The following MICAL2 variants were observed in gnomAD, a reference collection of about 807,000 sequenced individuals.
MICAL2 encodes the protein [F-actin]-monooxygenase MICAL2.
A neutral mutation model predicts 127.3 loss-of-function variants in MICAL2; 77 were observed. That is an observed-to-expected ratio of 0.60 (90% confidence interval 0.50 to 0.73). The LOEUF (loss-of-function observed/expected upper bound fraction) is 0.73, where lower values mean the gene tolerates loss of function less well. Among genes scored for constraint, MICAL2 ranks in the 30% least tolerant of loss-of-function variants. The pLI is 0.00. For missense variants in MICAL2, 1,351 were observed against 1,434.4 expected (o/e 0.94, Z 0.94); for synonymous variants, 570 against 551.1 (o/e 1.03, Z -0.48).
chr11:12,341,656 A>G (rs1565310510), intron 32 of MICAL2, among the ~76,000 whole-genome samples: 1 of 152,162 alleles, frequency 6.6e-6, no homozygotes. Flanking sequence ...GTGAAACCCC[A>G]TCTCTACGAA....
chr11:12,226,249 G>A lies in MICAL2; in HGVS notation c.1767G>A (p.Gly589=). 1 of 1,614,240 alleles carries A rather than the reference G, an allele frequency of 6.2e-7. No homozygotes were observed. The highest frequency in any genetic ancestry group is 8.5e-7 in the Non-Finnish European group (1 of 1,180,050). ...LAFDVAEREF[G]IPPVTTGKEM... ...TTGATGTGGCCGAGCGAGAGTTTGG[G>A]ATCCCTCCAGTGACCACGGGCAAAG... is the stretch of plus-strand genomic sequence containing the variant. The change falls in exon 14 of 28, where the codon GGG becomes GGA. Residue 589 remains glycine (G), a synonymous_variant. Transcript: ENST00000683283.
In MICAL2 at chr11:12,279,595, G is replaced by T. The variant is rs117156953; in HGVS notation, c.88-1338G>T. On this transcript the variant is annotated intron_variant, in intron 1 of 2. Coordinates refer to the MICAL2 transcript ENST00000529028. ...TTCGGTAACAAAGGCAAATGCATCG[G>T]CTCGTCTGACTGGGAAGTCCAAGGG... Among the ~76,000 whole-genome samples the T allele has an allele frequency of 7.1e-3, 1,082 of 152,302 alleles. 5 individuals carry two copies. Among genetic ancestry groups the T allele is most frequent in the Non-Finnish European group, 0.011 (761 of 68,028 alleles).
At chr11:12,155,808 C>T (rs1006928137) in intron 2 of MICAL2, among the ~76,000 whole-genome samples, 8 of 152,214 alleles carry the variant, frequency 5.3e-5, no homozygotes, top group East Asian at 1.9e-4. Flanking sequence ...GCCCTGATGA[C>T]GTTGGCTTCC....
At chr11:12,113,723 A>G (rs1226580396) in intron 1 of MICAL2, among the ~76,000 whole-genome samples, 1 of 152,220 alleles carries the variant, frequency 6.6e-6, no homozygotes, top group African/African-American at 2.4e-5. Context: ...CCTCATTTGT[A>G]AAGAAAACTT....
At chr11:12,358,493 C>T (rs200383501), downstream of MICAL2, 51 of 1,611,118 alleles carry the variant, frequency 3.2e-5, no homozygotes, top group African/African-American at 6.7e-5. Flanking sequence ...GGCCCGTAGT[C>T]CCTCTCCCTG....
intron 21 of MICAL2, among the ~76,000 whole-genome samples, chr11:12,247,899 T>G (rs1385105192): frequency 2.0e-5 from 3 of 152,222 alleles, no homozygotes; most frequent in Non-Finnish European, 4.4e-5. Context: ...TGGACCCAAG[T>G]TCACCTGAAT....
At chr11:12,287,163 G>T (rs933096717) in exon 3 of MICAL2, 3 of 398,888 alleles carry the variant, frequency 7.5e-6, no homozygotes, top group Non-Finnish European at 1.3e-5. Context: ...AATTCTGGTG[G>T]AGTGAGTCAC....
intron 3 of MICAL2, among the ~76,000 whole-genome samples, chr11:12,200,526 T>G (rs904939369): frequency 6.6e-6 from 1 of 152,192 alleles, no homozygotes; most frequent in Non-Finnish European, 1.5e-5. Context: ...TCACAGCAAG[T>G]GCGTTCAGAG....
chr11:12,316,407 TG>T (rs1364974864), intron 29 of MICAL2, among the ~76,000 whole-genome samples: 1 of 150,620 alleles, frequency 6.6e-6, no homozygotes, highest in Non-Finnish European at 1.5e-5. Context: ...TATTCCTAGG[TG>T]GTTTTTTTTT....
intron 8 of MICAL2, among the ~76,000 whole-genome samples, chr11:12,217,249 C>T (rs1203466210): frequency 6.6e-6 from 1 of 152,192 alleles, no homozygotes; most frequent in Non-Finnish European, 1.5e-5. Context: ...GCACGGTGGC[C>T]ATTCATTGCT....
intron 31 of MICAL2, among the ~76,000 whole-genome samples, chr11:12,324,790 G>A (rs765305271): frequency 2.0e-5 from 3 of 152,110 alleles, no homozygotes; most frequent in South Asian, 2.1e-4. Context: ...ACAGAGTGAC[G>A]TCATTCAATC....
At chr11:12,333,319 A>G (rs1200762416) in intron 32 of MICAL2, among the ~76,000 whole-genome samples, 2 of 151,866 alleles carry the variant, frequency 1.3e-5, no homozygotes, top group East Asian at 3.9e-4. Context: ...AAGGAAAATC[A>G]TTTGACACAA....
At chr11:12,255,618 C>T (rs757409574) in intron 22 of MICAL2, 25 bp from the exon 23 acceptor site, 10 of 1,608,460 alleles carry the variant, frequency 6.2e-6, no homozygotes, top group African/African-American at 1.3e-5. Flanking sequence ...TTGTCTCTGT[C>T]TCCTCTGCCT....
chr11:12,253,030 CT>C (rs1429964697), intron 22 of MICAL2: 1 of 152,142 alleles, frequency 6.6e-6, no homozygotes, highest in Non-Finnish European at 1.5e-5. Context: ...GTGTATTTAC[CT>C]CCCACAAGAA....
chr11:12,220,416 G>A lies in MICAL2; in HGVS notation c.1164G>A (p.Ala388=), dbSNP rs377568326. The part of the protein sequence containing the change: ...ENAALVRERQ[A]HQLLVALVGD... ...CGGCCCTGGTGCGGGAGCGGCAGGCGCACCAGCTGCTCGTGGCCCTTGTGG... is the reference window on the plus strand; with the variant it reads ...CGGCCCTGGTGCGGGAGCGGCAGGCACACCAGCTGCTCGTGGCCCTTGTGG... The change falls in exon 9 of 28, where the codon GCG becomes GCA. Residue 388 remains alanine (A), a synonymous_variant. Coordinates refer to ENST00000683283, the MANE Select transcript of MICAL2 (RefSeq NM_001282663.2). The A allele has an allele frequency of 1.2e-5, 20 of 1,612,498 alleles. No homozygotes were observed. Among genetic ancestry groups the A allele is most frequent in the African/African-American group, 1.1e-4 (8 of 74,938 alleles).
intron 1 of MICAL2, among the ~76,000 whole-genome samples, chr11:12,124,770 G>C (rs982201419): frequency 3.3e-5 from 5 of 152,200 alleles, no homozygotes; most frequent in African/African-American, 1.2e-4. Context: ...TGCATTCAGA[G>C]TCCAAGTCAT....
chr11:12,311,948 G>C (rs1864179668), intron 29 of MICAL2, among the ~76,000 whole-genome samples: 1 of 151,738 alleles, frequency 6.6e-6, no homozygotes, highest in Non-Finnish European at 1.5e-5. Context: ...ATTTCTTCTT[G>C]TGTTTGTTTT....
chr11:12,110,806 T>C lies in MICAL2; in HGVS notation c.-149+80T>C, dbSNP rs1849538879. ...GGGACCGTGCCAGCCTCGGCTGGAC[T>C]CTGCGCCGTGTCCAACGCCCGGGAG... On this transcript the variant is annotated intron_variant, in intron 1 of 27. Coordinates refer to ENST00000683283, the MANE Select transcript of MICAL2 (RefSeq NM_001282663.2). This position sits in a 1 kb window ranked among gnomAD's most constrained non-coding sequence, Gnocchi z 4.5. 1 of 152,096 alleles carries C rather than the reference T, an allele frequency of 6.6e-6. No individual in the cohort carries two copies. Among genetic ancestry groups the C allele is most frequent in the African/African-American group, 2.4e-5 (1 of 41,420 alleles). 9.4% of individuals were successfully genotyped at this position (152,096 alleles called of 1,614,324 possible).
intron 32 of MICAL2, chr11:12,349,797 A>AT: frequency 6.3e-7 from 1 of 1,594,030 alleles, no homozygotes; most frequent in East Asian, 2.2e-5. Context: ...ATGGGGAGAG[A>AT]AATGCCAATC....
Sources: allele counts gnomAD v4.1 joint callset (sites outside exome capture counted in the v4.1 genomes callset), GRCh38; gene constraint gnomAD v4.1.1; non-coding constraint Gnocchi (gnomAD v3.1); transcripts MANE v1.5; gene names NCBI Gene and HGNC (gene_info 2026-07-23, HGNC 2026-07-21).